CSNK2A2IP: variants seen among roughly 807,000 people sequenced by gnomAD.
CSNK2A2IP encodes the protein casein kinase 2 subunit alpha' interacting protein.
the CSNK2A2IP span, among the ~76,000 whole-genome samples, chr3:88,402,375 T>C: frequency 2.0e-5 from 3 of 152,062 alleles, no homozygotes; most frequent in African/African-American, 7.2e-5. Context: ...TCTACTTAAA[T>C]TGACCAGGAT....
the CSNK2A2IP span, among the ~76,000 whole-genome samples, chr3:88,392,700 A>T: frequency 1.3e-5 from 2 of 152,222 alleles, no homozygotes; most frequent in Non-Finnish European, 2.9e-5. Context: ...GTAAGTTGAA[A>T]CAAGGTTGGA....
chr3:88,380,485 T>C, the CSNK2A2IP span, among the ~76,000 whole-genome samples: 1 of 151,602 alleles, frequency 6.6e-6, no homozygotes, highest in Admixed American at 6.6e-5. Flanking sequence ...TTAAATATTA[T>C]ATTTGATTAT....
chr3:88,407,953 G>A, the CSNK2A2IP span, among the ~76,000 whole-genome samples: 4 of 151,930 alleles, frequency 2.6e-5, no homozygotes, highest in African/African-American at 7.3e-5. Flanking sequence ...GAACTCCTTA[G>A]CTCAGGTGAT....
the CSNK2A2IP span, among the ~76,000 whole-genome samples, chr3:88,434,725 A>G: frequency 6.6e-6 from 1 of 152,126 alleles, no homozygotes; most frequent in Non-Finnish European, 1.5e-5. Context: ...TAGAGTCAGG[A>G]CAGTCAGAAA....
the CSNK2A2IP span, among the ~76,000 whole-genome samples, chr3:88,446,403 G>C: frequency 6.6e-6 from 1 of 152,106 alleles, no homozygotes; most frequent in South Asian, 2.1e-4. Context: ...TCAGTTTCTA[G>C]TTGACTGTTT....
chr3:88,458,310 C>G, the CSNK2A2IP span, among the ~76,000 whole-genome samples: 1 of 151,934 alleles, frequency 6.6e-6, no homozygotes, highest in Non-Finnish European at 1.5e-5. Flanking sequence ...GCCACCACGC[C>G]TGGCTAATTT....
the CSNK2A2IP span, among the ~76,000 whole-genome samples, chr3:88,364,416 A>G: frequency 3.3e-5 from 5 of 151,984 alleles, no homozygotes; most frequent in Non-Finnish European, 7.4e-5. Flanking sequence ...CATTTGTACT[A>G]TTGCCGTGGA....
the CSNK2A2IP span, among the ~76,000 whole-genome samples, chr3:88,384,160 T>C: frequency 6.6e-6 from 1 of 152,116 alleles, no homozygotes; most frequent in African/African-American, 2.4e-5. Flanking sequence ...GATAAGTCCC[T>C]GCCCCCATGA....
chr3:88,399,840 GAAA>G, the CSNK2A2IP span: 2 of 152,170 alleles, frequency 1.3e-5, no homozygotes, highest in South Asian at 2.1e-4. Flanking sequence ...AGTTCAGAAA[GAAA>G]AATGAACCGG....
At chr3:88,415,993 A>G in the CSNK2A2IP span, among the ~76,000 whole-genome samples, 2 of 151,974 alleles carry the variant, frequency 1.3e-5, no homozygotes, top group East Asian at 1.9e-4. Context: ...AGGGTGGGCC[A>G]GGTGCAGTGG....
the CSNK2A2IP span, among the ~76,000 whole-genome samples, chr3:88,399,090 G>A: frequency 6.6e-6 from 1 of 152,040 alleles, no homozygotes; most frequent in Non-Finnish European, 1.5e-5. Flanking sequence ...TAACTTAATA[G>A]GACATGAACA....
chr3:88,429,622 C>T, the CSNK2A2IP span, among the ~76,000 whole-genome samples: 1 of 152,108 alleles, frequency 6.6e-6, no homozygotes, highest in African/African-American at 2.4e-5. Context: ...TCAGATGGGC[C>T]TGGATTGCAG....
chr3:88,439,720 G>A, the CSNK2A2IP span, among the ~76,000 whole-genome samples: 3 of 130,948 alleles, frequency 2.3e-5, no homozygotes, highest in South Asian at 2.7e-4. Flanking sequence ...CCAGCCTAGC[G>A]ACAGAGTGAG....
At chr3:88,452,457 A>G in the CSNK2A2IP span, among the ~76,000 whole-genome samples, 1 of 152,168 alleles carries the variant, frequency 6.6e-6, no homozygotes, top group South Asian at 2.1e-4. Context: ...GCCCACAGTT[A>G]CTGAGCTTGT....
chr3:88,371,885 A>T, the CSNK2A2IP span, among the ~76,000 whole-genome samples: 1 of 151,800 alleles, frequency 6.6e-6, no homozygotes, highest in Admixed American at 6.6e-5. Context: ...AGAGGCCAGG[A>T]GGCATTAGAA....
chr3:88,424,460 A>G, the CSNK2A2IP span, among the ~76,000 whole-genome samples: 1 of 152,220 alleles, frequency 6.6e-6, no homozygotes, highest in Non-Finnish European at 1.5e-5. Flanking sequence ...GAGATATGGT[A>G]TTTGGGAGAA....
At chr3:88,421,568 C>T in the CSNK2A2IP span, among the ~76,000 whole-genome samples, 21 of 152,066 alleles carry the variant, frequency 1.4e-4, 1 homozygote, top group Admixed American at 1.4e-3. Context: ...GTGCATGCCA[C>T]CACGCCTGGC....
At chr3:88,391,794 A>G in the CSNK2A2IP span, among the ~76,000 whole-genome samples, 2 of 152,224 alleles carry the variant, frequency 1.3e-5, no homozygotes, top group South Asian at 2.1e-4. Flanking sequence ...ACTGTGTACA[A>G]TCTGGTAAGC....
the CSNK2A2IP span, among the ~76,000 whole-genome samples, chr3:88,430,018 C>A: frequency 6.6e-6 from 1 of 152,004 alleles, no homozygotes; most frequent in Non-Finnish European, 1.5e-5. Context: ...CCCTCAGCCT[C>A]CCAAAGTGCT....
Sources: allele counts gnomAD v4.1 joint callset (sites outside exome capture counted in the v4.1 genomes callset), GRCh38; gene constraint gnomAD v4.1.1; transcripts MANE v1.5; gene names NCBI Gene and HGNC (gene_info 2026-07-23, HGNC 2026-07-21).